Variants in BAZ2B observed in about 807,000 individuals in gnomAD.
BAZ2B encodes bromodomain adjacent to zinc finger domain protein 2B.
Under a neutral mutation model 246.0 loss-of-function variants are expected in BAZ2B, and 91 were observed. That is an observed-to-expected ratio of 0.37 (90% CI 0.31 to 0.44). The LOEUF is 0.44. BAZ2B is among the 20% of genes least tolerant of loss of function. The pLI is 1.00. For missense variants in BAZ2B, 2,332 were observed against 2,533.7 expected (o/e 0.92, Z 1.71); for synonymous variants, 855 against 860.0 (o/e 0.99, Z 0.10).
chr2:159,474,726 T>A (rs935863154), intron 3 of BAZ2B, among the ~76,000 whole-genome samples: 2 of 152,212 alleles, frequency 1.3e-5, no homozygotes, highest in Non-Finnish European at 2.9e-5. Flanking sequence ...AGTGCTTCCT[T>A]CAGGAGCTCT....
intron 3 of BAZ2B, among the ~76,000 whole-genome samples, chr2:159,472,945 T>C (rs910312899): frequency 3.3e-5 from 5 of 152,240 alleles, no homozygotes; most frequent in Admixed American, 3.3e-4. Flanking sequence ...CCTGTAATTT[T>C]CTTTTTTTGT....
At chr2:159,350,771 C>T (rs1454123271) in intron 27 of BAZ2B, among the ~76,000 whole-genome samples, 2 of 152,186 alleles carry the variant, frequency 1.3e-5, no homozygotes, top group Non-Finnish European at 2.9e-5. Flanking sequence ...CAGGGTTTCA[C>T]CATGTTAGCC....
At chr2:159,616,601 G>T (rs1344130919), upstream of BAZ2B, 2 of 152,078 alleles carry the variant, frequency 1.3e-5, no homozygotes, top group Non-Finnish European at 2.9e-5. Context: ...AATGAAAGTT[G>T]CTGTTAACAA....
At chr2:159,525,337 T>G (rs1041831574) in intron 2 of BAZ2B, among the ~76,000 whole-genome samples, 1 of 152,160 alleles carries the variant, frequency 6.6e-6, no homozygotes, top group Non-Finnish European at 1.5e-5. Flanking sequence ...AGTTGTTCCT[T>G]TTATAGCAGT....
chr2:159,351,188 C>T (rs2058525184), intron 27 of BAZ2B, among the ~76,000 whole-genome samples: 1 of 152,124 alleles, frequency 6.6e-6, no homozygotes, highest in South Asian at 2.1e-4. Flanking sequence ...GATACATACA[C>T]ACTTAAATCC....
intron 34 of BAZ2B, 81 bp downstream of exon 34, chr2:159,332,459 C>T: frequency 7.2e-7 from 1 of 1,391,754 alleles, no homozygotes; most frequent in Non-Finnish European, 9.7e-7. Context: ...TGCACTCCAG[C>T]CTGGGCAACT....
At chr2:159,653,803 G>A in the BAZ2B span, among the ~76,000 whole-genome samples, 2 of 152,080 alleles carry the variant, frequency 1.3e-5, no homozygotes, top group African/African-American at 4.8e-5. Context: ...TGAAACAATG[G>A]CAAGGGCAAT....
chr2:159,433,024 G>T lies in BAZ2B; in HGVS notation c.1633C>A (p.Pro545Thr). The change falls in exon 9 of 37, where the codon CCT becomes ACT. Residue 545 changes from proline (P) to threonine (T), a missense_variant. Transcript: ENST00000392783. Reference protein sequence around the residue: ...VNLSTSGRRTPGNQTPVMPSA... With the variant: ...VNLSTSGRRTTGNQTPVMPSA... ...GGCATTACAGGTGTCTGATTGCCAGGGGTTCTTCTCCCACTTGTACTCAGA... is the reference window on the plus strand; with the variant it reads ...GGCATTACAGGTGTCTGATTGCCAGTGGTTCTTCTCCCACTTGTACTCAGA... 2 of 1,614,150 alleles carry T rather than the reference G, an allele frequency of 1.2e-6. No individual in the cohort carries two copies. The highest frequency in any genetic ancestry group is 1.7e-6 in the Non-Finnish European group (2 of 1,180,022).
At chr2:159,691,258 C>T in the BAZ2B span, among the ~76,000 whole-genome samples, 26 of 152,046 alleles carry the variant, frequency 1.7e-4, no homozygotes, top group African/African-American at 6.0e-4. Flanking sequence ...TACAGTTGAC[C>T]CTTGAACAAT....
chr2:159,614,667 G>A (rs901107511), intron 1 of BAZ2B, among the ~76,000 whole-genome samples: 18 of 151,142 alleles, frequency 1.2e-4, no homozygotes, highest in African/African-American at 4.1e-4. Flanking sequence ...AACAAATGAC[G>A]CACAAGTTTT....
the BAZ2B span, among the ~76,000 whole-genome samples, chr2:159,707,253 A>G: frequency 6.6e-6 from 1 of 152,130 alleles, no homozygotes; most frequent in African/African-American, 2.4e-5. Context: ...TAGTTTTATC[A>G]ATAATAAAAA....
chr2:159,370,291 C>T (rs990903267), intron 27 of BAZ2B, among the ~76,000 whole-genome samples: 14 of 150,334 alleles, frequency 9.3e-5, no homozygotes, highest in Admixed American at 6.6e-4. Context: ...GCACGTTGTG[C>T]ACATGTACCC....
chr2:159,663,447 C>A, the BAZ2B span, among the ~76,000 whole-genome samples: 1 of 151,838 alleles, frequency 6.6e-6, no homozygotes, highest in East Asian at 1.9e-4. Context: ...AGGTGATCCT[C>A]CCGCCTTGGC....
At chr2:159,324,679 CACACACACA>C (rs1321265593) in intron 36 of BAZ2B, 123 bp downstream of exon 36, 13 of 246,392 alleles carry the variant, frequency 5.3e-5, no homozygotes, top group Non-Finnish European at 4.8e-5. Context: ...CACACACACA[CACACACACA>C]CCTGCCTCAA....
downstream of BAZ2B, among the ~76,000 whole-genome samples, chr2:159,315,569 T>C (rs2062026427): frequency 6.6e-6 from 1 of 152,172 alleles, no homozygotes; most frequent in Non-Finnish European, 1.5e-5. Context: ...CCTCATAACA[T>C]AATGGCTGGT....
intron 31 of BAZ2B, among the ~76,000 whole-genome samples, chr2:159,338,557 T>G (rs1013277856): frequency 1.3e-5 from 2 of 152,196 alleles, no homozygotes; most frequent in African/African-American, 4.8e-5. Context: ...TCAATGATCC[T>G]GTAGCTCAAA....
intron 2 of BAZ2B, among the ~76,000 whole-genome samples, chr2:159,542,909 A>G (rs537325313): frequency 2.7e-4 from 41 of 152,358 alleles, no homozygotes; most frequent in African/African-American, 8.7e-4. Flanking sequence ...GAAGTGCAGC[A>G]TAACAATAAA....
chr2:159,466,259 T>C (rs116139614), intron 3 of BAZ2B, among the ~76,000 whole-genome samples: 1,787 of 152,324 alleles, frequency 0.012, 49 homozygotes, highest in East Asian at 0.093. Context: ...AAAATCTGCA[T>C]AGTCACTTGA....
intron 35 of BAZ2B, among the ~76,000 whole-genome samples, chr2:159,325,315 G>A (rs891724632): frequency 6.7e-6 from 1 of 149,638 alleles, no homozygotes; most frequent in East Asian, 2.0e-4. Context: ...ATTTTTAGTA[G>A]AGACAGGGTT....
Sources: allele counts gnomAD v4.1 joint callset (sites outside exome capture counted in the v4.1 genomes callset), GRCh38; gene constraint gnomAD v4.1.1; transcripts MANE v1.5; gene names NCBI Gene and HGNC (gene_info 2026-07-23, HGNC 2026-07-21).